The following PCDH7 variants were observed in gnomAD, a reference collection of about 807,000 sequenced individuals.
The protein encoded by PCDH7 is protocadherin 7.
In PCDH7, 17 loss-of-function variants were observed where a neutral mutation model predicts 58.9. The observed-to-expected ratio is 0.29, with a 90% CI of 0.20 to 0.43. The LOEUF (loss-of-function observed/expected upper bound fraction) is 0.43. Among genes scored for constraint, PCDH7 ranks in the 20% least tolerant of loss-of-function variants. The probability of loss-of-function intolerance (pLI) is 1.00; values close to 1 mark genes in which losing one functional copy is unlikely to be tolerated. For synonymous variants in PCDH7, 664 were observed against 616.4 expected, an observed-to-expected ratio of 1.08 and a Z score of -1.14; for missense variants, 1,274 against 1,441.0, an observed-to-expected ratio of 0.88 and a Z score of 1.88.
At chr4:30,854,235 T>G (rs1308580046) in intron 1 of PCDH7, among the ~76,000 whole-genome samples, 2 of 150,652 alleles carry the variant, frequency 1.3e-5, no homozygotes, top group African/African-American at 2.4e-5. Flanking sequence ...TTTTGGACTA[T>G]CTAATTCTTA....
chr4:31,104,981 T>C (rs367707811), intron 3 of PCDH7, among the ~76,000 whole-genome samples: 1 of 152,214 alleles, frequency 6.6e-6, no homozygotes, highest in Non-Finnish European at 1.5e-5. Context: ...AAGGAACACA[T>C]GACAATTGGT....
chr4:30,960,406 G>A (rs1748302367), intron 3 of PCDH7, among the ~76,000 whole-genome samples: 1 of 152,138 alleles, frequency 6.6e-6, no homozygotes, highest in Admixed American at 6.5e-5. Flanking sequence ...GGTAGTTTAT[G>A]AATGAGCAAA....
intron 3 of PCDH7, among the ~76,000 whole-genome samples, chr4:31,004,542 T>C (rs1035993110): frequency 6.6e-6 from 1 of 151,910 alleles, no homozygotes; most frequent in Admixed American, 6.6e-5. Flanking sequence ...AAACCCCATC[T>C]CTACAAAAAA....
chr4:31,016,201 C>T (rs1371956651), intron 3 of PCDH7, among the ~76,000 whole-genome samples: 2 of 152,078 alleles, frequency 1.3e-5, no homozygotes, highest in East Asian at 1.9e-4. Context: ...TTTTCATTCA[C>T]AATTATTAGA....
chr4:30,904,992 A>G (rs114984186), intron 1 of PCDH7, among the ~76,000 whole-genome samples: 90 of 152,324 alleles, frequency 5.9e-4, no homozygotes, highest in African/African-American at 2.1e-3. Flanking sequence ...AAACCCAAGG[A>G]TTTTAAATGT....
At chr4:30,739,035 G>A (rs73213181) in intron 1 of PCDH7, among the ~76,000 whole-genome samples, 7 of 149,672 alleles carry the variant, frequency 4.7e-5, no homozygotes, top group Non-Finnish European at 8.9e-5. Flanking sequence ...TTATGCTTTT[G>A]TTCCCTTTGT....
chr4:31,136,601 G>A (rs1462350814), intron 3 of PCDH7, among the ~76,000 whole-genome samples: 1 of 152,034 alleles, frequency 6.6e-6, no homozygotes, highest in East Asian at 1.9e-4. Flanking sequence ...GCCTTTTTGT[G>A]GCCAGAGTGA....
chr4:30,967,880 G>A (rs746844406), intron 3 of PCDH7, among the ~76,000 whole-genome samples: 20 of 152,078 alleles, frequency 1.3e-4, no homozygotes, highest in Admixed American at 7.2e-4. Flanking sequence ...AACTGGCTGA[G>A]GTGTATTTCA....
At chr4:30,977,974 C>T (rs557155593) in intron 3 of PCDH7, among the ~76,000 whole-genome samples, 1 of 152,242 alleles carries the variant, frequency 6.6e-6, no homozygotes, top group Admixed American at 6.5e-5. Context: ...TCGTATAAAT[C>T]TAAAACTTTT....
At chr4:30,782,329 G>T (rs1299972487) in intron 1 of PCDH7, among the ~76,000 whole-genome samples, 1 of 152,066 alleles carries the variant, frequency 6.6e-6, no homozygotes, top group East Asian at 1.9e-4. Flanking sequence ...ATAATGTAAG[G>T]GGAACCTATT....
intron 3 of PCDH7, among the ~76,000 whole-genome samples, chr4:31,028,291 C>T (rs1183108779): frequency 2.0e-5 from 3 of 151,672 alleles, no homozygotes; most frequent in African/African-American, 7.3e-5. Context: ...TTTTTTGTTT[C>T]AAAGTTCCTG....
intron 3 of PCDH7, among the ~76,000 whole-genome samples, chr4:31,017,062 G>T (rs1753675184): frequency 1.3e-5 from 2 of 152,096 alleles, no homozygotes; most frequent in African/African-American, 4.8e-5. Flanking sequence ...TAATTTGTGT[G>T]AAAACCCATT....
At position 30,869,385 on chromosome 4, in the gene PCDH7, T is replaced by C. The variant is rs569423616; in HGVS notation, c.71-50768T>C. 6.6e-5 allele frequency among the ~76,000 whole-genome samples: 10 copies of C among 152,204 alleles called. 1 individual carries two copies. Among genetic ancestry groups the C allele is most frequent in the African/African-American group, 2.4e-4 (10 of 41,536 alleles). On this transcript the variant is annotated intron_variant, in intron 1 of 3. Coordinates refer to the PCDH7 transcript ENST00000509759. ...GTGCCATGGTGGTTTGCTGCACCCATCAACCTGCCATCTACATTAGGTATT... is the reference window on the plus strand; with the variant it reads ...GTGCCATGGTGGTTTGCTGCACCCACCAACCTGCCATCTACATTAGGTATT...
intron 2 of PCDH7, among the ~76,000 whole-genome samples, chr4:30,932,906 G>A (rs745987386): frequency 6.6e-6 from 1 of 152,162 alleles, no homozygotes; most frequent in Non-Finnish European, 1.5e-5. Flanking sequence ...AGATAAGAAA[G>A]TCTCTGCCTC....
intron 3 of PCDH7, among the ~76,000 whole-genome samples, chr4:30,965,882 A>G (rs566748943): frequency 6.6e-6 from 1 of 152,274 alleles, no homozygotes; most frequent in African/African-American, 2.4e-5. Flanking sequence ...GATCCAGCCA[A>G]GTTATTATGG....
chr4:31,044,828 A>G (rs541284441), intron 3 of PCDH7, among the ~76,000 whole-genome samples: 1 of 152,102 alleles, frequency 6.6e-6, no homozygotes, highest in Non-Finnish European at 1.5e-5. Context: ...TTTCCTTTTC[A>G]GGAGGAGGGA....
At chr4:30,724,703 T>G in intron 1 of PCDH7, 107 bp downstream of exon 1, 1 of 1,458,440 alleles carries the variant, frequency 6.9e-7, no homozygotes, top group Non-Finnish European at 9.1e-7. Flanking sequence ...GTTATTAAAA[T>G]TTTAACAGTA....
At chr4:30,863,727 T>G (rs1196952518) in intron 1 of PCDH7, among the ~76,000 whole-genome samples, 1 of 152,126 alleles carries the variant, frequency 6.6e-6, no homozygotes, top group African/African-American at 2.4e-5. Context: ...TTTAAACTTT[T>G]GTATTGAAGT....
chr4:30,733,706 T>G (rs1453119594), downstream of PCDH7, among the ~76,000 whole-genome samples: 1 of 152,134 alleles, frequency 6.6e-6, no homozygotes, highest in Non-Finnish European at 1.5e-5. Flanking sequence ...TTTACCAAGG[T>G]GAGGATACTG....
Sources: allele counts gnomAD v4.1 joint callset (sites outside exome capture counted in the v4.1 genomes callset), GRCh38; gene constraint gnomAD v4.1.1; transcripts MANE v1.5; gene names NCBI Gene and HGNC (gene_info 2026-07-23, HGNC 2026-07-21).